Variants in RNF216 observed in about 807,000 individuals in gnomAD.
The protein encoded by RNF216 is E3 ubiquitin-protein ligase RNF216.
In RNF216, 72 loss-of-function variants were observed where a neutral mutation model predicts 110.8. That is an observed-to-expected ratio of 0.65 (90% CI 0.54 to 0.79). The LOEUF (loss-of-function observed/expected upper bound fraction) is 0.79. Among genes scored for constraint, RNF216 ranks in the 30% least tolerant of loss-of-function variants. The probability of loss-of-function intolerance (pLI) is 0.00; values close to 1 mark genes in which losing one functional copy is unlikely to be tolerated. For synonymous variants in RNF216, 495 were observed against 407.5 expected (o/e 1.21, Z -2.59); for missense variants, 1,342 against 1,141.2 (o/e 1.18, Z -2.54).
intron 13 of RNF216, among the ~76,000 whole-genome samples, chr7:5,664,200 C>G (rs530681340): frequency 3.9e-5 from 6 of 152,214 alleles, no homozygotes; most frequent in Non-Finnish European, 5.9e-5. Context: ...TATCTCCTCT[C>G]TGAAAGAACA....
intron 13 of RNF216, among the ~76,000 whole-genome samples, chr7:5,691,249 G>A (rs1243827292): frequency 1.3e-5 from 2 of 152,186 alleles, no homozygotes; most frequent in African/African-American, 4.8e-5. Flanking sequence ...CTGACACCTC[G>A]CCACTCGGGC....
rs368212463 is a variant in RNF216, at chr7:5,728,792, C to T, written c.1389+640G>A. On this transcript the variant is annotated intron_variant, in intron 7 of 16. Coordinates refer to ENST00000389902, the MANE Select transcript of RNF216 (RefSeq NM_207111.4). ...AGAATTTCAGTAGAATACAATTTAA[C>T]GGCAGTAAGAGCGACCAAGAGGAGT... Among the ~76,000 whole-genome samples, 1,247 of 152,220 alleles carry T rather than the reference C, an allele frequency of 8.2e-3. 24 individuals are homozygous for T. The highest frequency in any genetic ancestry group is 0.029 in the African/African-American group (1,205 of 41,524).
chr7:5,686,293 G>A (rs1463899210), intron 13 of RNF216, among the ~76,000 whole-genome samples: 5 of 150,974 alleles, frequency 3.3e-5, no homozygotes, highest in Non-Finnish European at 7.4e-5. Flanking sequence ...CTGCTGCCAC[G>A]TGGTTTCTGT....
At chr7:5,743,271 A>C (rs374254297) in intron 3 of RNF216, among the ~76,000 whole-genome samples, 86 of 152,276 alleles carry the variant, frequency 5.6e-4, no homozygotes, top group South Asian at 5.4e-3. Flanking sequence ...AAATAAATAA[A>C]TAAATACACA....
chr7:5,709,018 G>T (rs1012940046), intron 13 of RNF216, among the ~76,000 whole-genome samples: 3 of 152,180 alleles, frequency 2.0e-5, no homozygotes, highest in African/African-American at 7.2e-5. Context: ...GGTCCCATCA[G>T]TGCTTCATCG....
chr7:5,740,576 T>A (rs2128652871), intron 4 of RNF216, among the ~76,000 whole-genome samples: 1 of 152,288 alleles, frequency 6.6e-6, no homozygotes, highest in Non-Finnish European at 1.5e-5. Flanking sequence ...TATTTAACTG[T>A]AAGACATTTA....
intron 2 of RNF216, among the ~76,000 whole-genome samples, chr7:5,754,119 GGTGT>G (rs10543449): frequency 0.36 from 50,866 of 141,760 alleles, 9,227 homozygotes; most frequent in Admixed American, 0.41. Flanking sequence ...TCTTTTGTGT[GGTGT>G]GTGTGTGTGT....
chr7:5,713,706 G>A (rs2128630985), intron 11 of RNF216, among the ~76,000 whole-genome samples: 1 of 152,312 alleles, frequency 6.6e-6, no homozygotes, highest in South Asian at 2.1e-4. Flanking sequence ...CATGAGGAAT[G>A]CTTCCCACAT....
intron 13 of RNF216, among the ~76,000 whole-genome samples, chr7:5,664,286 G>A (rs1381678000): frequency 1.3e-5 from 2 of 151,976 alleles, no homozygotes; most frequent in Non-Finnish European, 1.5e-5. Flanking sequence ...TAATATATAC[G>A]ACCCTTTCAG....
intron 14 of RNF216, chr7:5,649,735 T>C (rs947490911): frequency 1.3e-5 from 2 of 152,192 alleles, no homozygotes; most frequent in Non-Finnish European, 2.9e-5. Flanking sequence ...TACTTCTCAT[T>C]TGGCTTGTAC....
At position 5,752,873 on chromosome 7, in the gene RNF216, G is replaced by A; in HGVS notation, c.174C>T (p.Asp58=). The A allele has an allele frequency of 6.2e-7, 1 of 1,612,278 alleles. No individual in the cohort carries two copies. The highest frequency in any genetic ancestry group is 8.5e-7 in the Non-Finnish European group (1 of 1,179,314). The change falls in exon 3 of 17, where the codon GAC becomes GAT. Residue 58 remains aspartate, a synonymous_variant. Coordinates refer to ENST00000389902, the MANE Select transcript of RNF216 (RefSeq NM_207111.4). ...TPAPQQHEEE[D]LDDDVILTET... is the part of the protein sequence containing the mutation. ...CTGTCAGGATGACATCATCATCCAGGTCCTCTTCTTCATGCTGCTGAGGAG... is the reference window on the plus strand; with the variant it reads ...CTGTCAGGATGACATCATCATCCAGATCCTCTTCTTCATGCTGCTGAGGAG...
chr7:5,632,531 C>A (rs1787135440), intron 15 of RNF216, among the ~76,000 whole-genome samples: 1 of 152,152 alleles, frequency 6.6e-6, no homozygotes, highest in African/African-American at 2.4e-5. Flanking sequence ...ATGTGTCAGG[C>A]CAGGGTAGAA....
chr7:5,751,972 G>A (rs1188912864), intron 3 of RNF216, among the ~76,000 whole-genome samples: 1 of 152,026 alleles, frequency 6.6e-6, no homozygotes, highest in Non-Finnish European at 1.5e-5. Context: ...CGGATCACGA[G>A]GTCAGGAGTT....
chr7:5,691,693 C>T (rs1435819561), intron 13 of RNF216, among the ~76,000 whole-genome samples: 2 of 152,244 alleles, frequency 1.3e-5, no homozygotes, highest in East Asian at 1.9e-4. Flanking sequence ...GGCATGGACA[C>T]ATGGTTCTGG....
chr7:5,748,722 T>C (rs80007613), intron 3 of RNF216, among the ~76,000 whole-genome samples: 4 of 151,844 alleles, frequency 2.6e-5, no homozygotes, highest in African/African-American at 9.7e-5. Context: ...AGTAGTTAAG[T>C]AGTTATTAAG....
At chr7:5,763,848 C>G (rs564868932) in intron 1 of RNF216, among the ~76,000 whole-genome samples, 29 of 152,214 alleles carry the variant, frequency 1.9e-4, no homozygotes, top group African/African-American at 6.3e-4. Context: ...GCTGCGATTA[C>G]AGGTGTGAAC....
chr7:5,754,098 T>C (rs1795478383), intron 2 of RNF216, among the ~76,000 whole-genome samples: 1 of 150,770 alleles, frequency 6.6e-6, no homozygotes. Context: ...CCATTAAAGC[T>C]GTAATGTTTT....
chr7:5,658,784 C>A (rs1462692517), intron 13 of RNF216, among the ~76,000 whole-genome samples: 3 of 151,762 alleles, frequency 2.0e-5, no homozygotes. Flanking sequence ...TATGTTACAA[C>A]AGTAGCACAC....
intron 15 of RNF216, among the ~76,000 whole-genome samples, chr7:5,638,033 G>C (rs761155556): frequency 5.1e-4 from 77 of 152,056 alleles, no homozygotes; most frequent in Non-Finnish European, 8.8e-4. Flanking sequence ...CCCTTGGATG[G>C]GCCCCACACC....
Sources: gnomAD v4.1 joint callset for allele counts (sites outside exome capture counted in the v4.1 genomes callset) on GRCh38, gnomAD v4.1.1 for gene constraint, MANE v1.5 for transcripts, NCBI Gene and HGNC (gene_info 2026-07-23, HGNC 2026-07-21) for gene names.